HERC4: variants seen among roughly 807,000 people sequenced by gnomAD.
HERC4 encodes the protein probable E3 ubiquitin-protein ligase HERC4.
In HERC4, 28 loss-of-function variants were observed where a neutral mutation model predicts 124.3. The ratio of observed to expected loss-of-function variants is 0.23; its 90% CI spans 0.17 to 0.31. The LOEUF (loss-of-function observed/expected upper bound fraction) is 0.31, where lower values mean the gene tolerates loss of function less well. Ranked by LOEUF, HERC4 falls within the 10% of genes least tolerant of loss-of-function variation. The probability of loss-of-function intolerance (pLI) is 1.00; values close to 1 mark genes in which losing one functional copy is unlikely to be tolerated. For missense variants in HERC4, 713 were observed against 1,229.3 expected, an observed-to-expected ratio of 0.58 and a Z score of 6.28; for synonymous variants, 407 against 421.5, an observed-to-expected ratio of 0.97 and a Z score of 0.42.
At chr10:68,005,538 GTTA>G (rs1196031480) in intron 9 of HERC4, among the ~76,000 whole-genome samples, 1 of 152,024 alleles carries the variant, frequency 6.6e-6, no homozygotes, top group African/African-American at 2.4e-5. Flanking sequence ...TTTACTAAAT[GTTA>G]TTATTAATAA....
intron 3 of HERC4, among the ~76,000 whole-genome samples, chr10:68,050,920 A>G (rs2040262299): frequency 6.6e-6 from 1 of 152,202 alleles, no homozygotes; most frequent in African/African-American, 2.4e-5. Flanking sequence ...TGTTCCGTGT[A>G]AGAAAGGGAT....
At chr10:67,935,081 T>C (rs960856138) in intron 22 of HERC4, among the ~76,000 whole-genome samples, 2 of 152,170 alleles carry the variant, frequency 1.3e-5, no homozygotes, top group African/African-American at 4.8e-5. Context: ...TCCTGGTTTC[T>C]TGCCATTCTT....
At chr10:68,037,619 A>C (rs2039546086) in intron 5 of HERC4, among the ~76,000 whole-genome samples, 1 of 152,226 alleles carries the variant, frequency 6.6e-6, no homozygotes, top group Admixed American at 6.5e-5. Flanking sequence ...AGCTATGAAG[A>C]GTTTTTAACT....
At chr10:67,946,724 T>C (rs1457445938) in intron 19 of HERC4, among the ~76,000 whole-genome samples, 8 of 151,998 alleles carry the variant, frequency 5.3e-5, no homozygotes, top group Admixed American at 5.2e-4. Flanking sequence ...CTGGCCAACA[T>C]GGTGAAACCT....
intron 16 of HERC4, among the ~76,000 whole-genome samples, chr10:67,958,840 G>C (rs530587845): frequency 2.6e-5 from 4 of 152,168 alleles, no homozygotes; most frequent in African/African-American, 9.6e-5. Flanking sequence ...TTTTATACTG[G>C]AAGACTTGAG....
At chr10:68,009,046 C>A (rs1389256163) in intron 9 of HERC4, among the ~76,000 whole-genome samples, 1 of 152,032 alleles carries the variant, frequency 6.6e-6, no homozygotes, top group Non-Finnish European at 1.5e-5. Flanking sequence ...CATGTTGAAA[C>A]CCTGTCTCCA....
At chr10:68,034,266 A>C in intron 5 of HERC4, 80 bp from the exon 6 acceptor site, 1 of 996,426 alleles carries the variant, frequency 1.0e-6, no homozygotes, top group Non-Finnish European at 1.5e-6. Flanking sequence ...TTCATTTCAA[A>C]TTTCATATAA....
intron 17 of HERC4, chr10:67,955,724 C>A (rs2034098378): frequency 6.6e-6 from 1 of 152,244 alleles, no homozygotes; most frequent in African/African-American, 2.4e-5. Flanking sequence ...TGAGCTGAGA[C>A]TGTACCACTG....
intron 15 of HERC4, among the ~76,000 whole-genome samples, chr10:67,979,911 T>C (rs2035826175): frequency 2.0e-5 from 3 of 150,126 alleles, no homozygotes; most frequent in African/African-American, 7.4e-5. Flanking sequence ...CATTCCAGCC[T>C]GGGCGACAGA....
chr10:68,021,786 C>T (rs1354733638), intron 8 of HERC4, among the ~76,000 whole-genome samples: 1 of 151,738 alleles, frequency 6.6e-6, no homozygotes, highest in Non-Finnish European at 1.5e-5. Context: ...CCAGCCTGGG[C>T]AACAAGAGCA....
intron 8 of HERC4, among the ~76,000 whole-genome samples, chr10:68,024,035 T>A (rs959268857): frequency 6.6e-6 from 1 of 152,102 alleles, no homozygotes; most frequent in Non-Finnish European, 1.5e-5. Flanking sequence ...AGGCAAAACA[T>A]GGAAAGACAT....
intron 9 of HERC4, chr10:67,996,092 G>T (rs747422589): frequency 9.1e-6 from 4 of 437,494 alleles, no homozygotes; most frequent in South Asian, 6.6e-5. Flanking sequence ...GATCACTTGA[G>T]CCCAGGAGTT....
chr10:67,996,779 T>C (rs2036908465), intron 9 of HERC4, among the ~76,000 whole-genome samples: 1 of 151,636 alleles, frequency 6.6e-6, no homozygotes, highest in Non-Finnish European at 1.5e-5. Flanking sequence ...GGTCAGAAGA[T>C]TGAGACATAC....
intron 19 of HERC4, among the ~76,000 whole-genome samples, chr10:67,946,849 T>C (rs112223359): frequency 0.021 from 3,213 of 152,054 alleles, 51 homozygotes; most frequent in African/African-American, 0.041. Context: ...AGATGTTGCA[T>C]TGAGTCAAGA....
intron 8 of HERC4, 134 bp from the exon 9 acceptor site, chr10:68,014,320 C>T: frequency 1.3e-6 from 1 of 756,910 alleles, no homozygotes; most frequent in Non-Finnish European, 2.1e-6. Flanking sequence ...AGTTCCAAAG[C>T]TTCTGTACAA....
At chr10:68,002,129 G>A (rs1043761753) in intron 9 of HERC4, among the ~76,000 whole-genome samples, 15 of 151,968 alleles carry the variant, frequency 9.9e-5, no homozygotes, top group African/African-American at 3.6e-4. Context: ...CTAAGTAATG[G>A]TGACCTTTGT....
intron 19 of HERC4, among the ~76,000 whole-genome samples, chr10:67,945,030 A>G (rs2033215995): frequency 6.6e-6 from 1 of 152,242 alleles, no homozygotes; most frequent in African/African-American, 2.4e-5. Flanking sequence ...TGGGATGGAA[A>G]GTTTGTTCAA....
chr10:68,015,573 C>T lies in HERC4; in HGVS notation c.909-1387G>A, dbSNP rs535924032. ...TGCCAGGTGGAGTTCTCTTTACAAC[C>T]TGGCAAACTCACACATGCTATTTTA... On this transcript the variant is annotated intron_variant, in intron 8 of 24. Transcript: ENST00000373700. Among the ~76,000 whole-genome samples the T allele has an allele frequency of 8.5e-5, 13 of 152,260 alleles. No individual in the cohort carries two copies. The East Asian group carries it at 2.5e-3, about 29-fold the overall frequency.
intron 23 of HERC4, among the ~76,000 whole-genome samples, chr10:67,928,351 T>C (rs2031386689): frequency 6.6e-6 from 1 of 152,134 alleles, no homozygotes; most frequent in Non-Finnish European, 1.5e-5. Context: ...TTTGAGAAGA[T>C]CAATTTACTA....
Sources: allele counts gnomAD v4.1 joint callset (sites outside exome capture counted in the v4.1 genomes callset), GRCh38; gene constraint gnomAD v4.1.1; transcripts MANE v1.5; gene names NCBI Gene and HGNC (gene_info 2026-07-23, HGNC 2026-07-21).